Variants in KCND2 observed in about 807,000 individuals in gnomAD.
KCND2 encodes the protein A-type voltage-gated potassium channel KCND2.
KCND2 carries 16 observed loss-of-function variants against 54.4 expected under a neutral mutation model. The observed-to-expected ratio is 0.29, with a 90% confidence interval of 0.20 to 0.45. The LOEUF (loss-of-function observed/expected upper bound fraction) is 0.45. KCND2 is among the 20% of genes least tolerant of loss of function. The probability of loss-of-function intolerance (pLI) is 1.00; values close to 1 mark genes in which losing one functional copy is unlikely to be tolerated. For missense variants in KCND2, 486 were observed against 824.2 expected, an observed-to-expected ratio of 0.59 and a Z score of 5.02; for synonymous variants, 317 against 310.7, an observed-to-expected ratio of 1.02 and a Z score of -0.21.
intron 1 of KCND2, among the ~76,000 whole-genome samples, chr7:120,335,169 A>G (rs1363592043): frequency 1.3e-5 from 2 of 151,964 alleles, no homozygotes; most frequent in Admixed American, 1.3e-4. Flanking sequence ...GTTTGAGACC[A>G]GACTGCAACA....
Position 120,561,834 on chromosome 7 carries a change from A to G in KCND2, c.1116-171069A>G, listed in dbSNP as rs7791550. On this transcript the variant is annotated intron_variant, in intron 1 of 5. Transcript: ENST00000331113. ...ACCATGTTAGTCAGGCTGGCCGCGA[A>G]CTCCTTACCTCAGGTGATCCACCTG... is the stretch of plus-strand genomic sequence containing the variant. 4.9e-3 allele frequency among the ~76,000 whole-genome samples: 746 copies of G among 151,878 alleles called. 5 individuals carry two copies. The highest frequency in any genetic ancestry group is 9.1e-3 in the Non-Finnish European group (616 of 67,920).
intron 1 of KCND2, among the ~76,000 whole-genome samples, chr7:120,453,862 G>A (rs774432505): frequency 2.4e-4 from 36 of 152,246 alleles, no homozygotes; most frequent in Non-Finnish European, 2.8e-4. Flanking sequence ...CAAGGTGGGC[G>A]GATCATGAGG....
intron 1 of KCND2, among the ~76,000 whole-genome samples, chr7:120,451,809 A>G (rs1028507652): frequency 6.6e-6 from 1 of 152,174 alleles, no homozygotes; most frequent in African/African-American, 2.4e-5. Context: ...TCAACTCTTG[A>G]TGTGCTATGC....
chr7:120,298,956 G>A (rs1390008411), intron 1 of KCND2, among the ~76,000 whole-genome samples: 1 of 152,066 alleles, frequency 6.6e-6, no homozygotes, highest in African/African-American at 2.4e-5. Context: ...TCAGGAGTTC[G>A]AGACCAGCCT....
At chr7:120,525,074 C>T (rs1379106209) in intron 1 of KCND2, among the ~76,000 whole-genome samples, 1 of 152,052 alleles carries the variant, frequency 6.6e-6, no homozygotes, top group African/African-American at 2.4e-5. Context: ...GCCTAAATAA[C>T]TTCTGCCTCA....
chr7:120,680,240 G>A (rs1477403709), intron 1 of KCND2, among the ~76,000 whole-genome samples: 1 of 152,024 alleles, frequency 6.6e-6, no homozygotes, highest in African/African-American at 2.4e-5. Flanking sequence ...TCTCTGGCTG[G>A]GAAGACAAGA....
chr7:120,729,694 T>C (rs1345576215), intron 1 of KCND2, among the ~76,000 whole-genome samples: 1 of 152,234 alleles, frequency 6.6e-6, no homozygotes, highest in African/African-American at 2.4e-5. Context: ...ATGAACACTT[T>C]GTGCCCCCTT....
At chr7:120,650,514 G>A (rs1791716635) in intron 1 of KCND2, among the ~76,000 whole-genome samples, 1 of 142,834 alleles carries the variant, frequency 7.0e-6, no homozygotes, top group Non-Finnish European at 1.5e-5. Context: ...TTAGCCATTC[G>A]TCTAATCTTT....
chr7:120,639,414 C>A (rs1196410778), intron 1 of KCND2, among the ~76,000 whole-genome samples: 1 of 152,110 alleles, frequency 6.6e-6, no homozygotes, highest in Non-Finnish European at 1.5e-5. Context: ...CTCCAAAAGA[C>A]ATGAGGTTCA....
intron 1 of KCND2, among the ~76,000 whole-genome samples, chr7:120,416,931 T>C (rs1260474750): frequency 6.6e-6 from 1 of 152,196 alleles, no homozygotes; most frequent in East Asian, 1.9e-4. Context: ...CTGCAACCTC[T>C]GCCTCCAGGG....
intron 1 of KCND2, among the ~76,000 whole-genome samples, chr7:120,485,001 C>T (rs1802673367): frequency 6.6e-6 from 1 of 152,058 alleles, no homozygotes; most frequent in African/African-American, 2.4e-5. Flanking sequence ...ATCCTCCTGC[C>T]TCAGCCTCTT....
intron 2 of KCND2, chr7:120,740,957 G>T (rs1308799488): frequency 2.2e-6 from 1 of 449,960 alleles, no homozygotes; most frequent in East Asian, 7.1e-5. Flanking sequence ...CATGTTGTTT[G>T]GCATGGGATC....
intron 3 of KCND2, 58 bp downstream of exon 3, chr7:120,741,687 A>C: frequency 8.7e-7 from 1 of 1,153,916 alleles, no homozygotes; most frequent in Non-Finnish European, 1.3e-6. Flanking sequence ...ATATTGATTT[A>C]GTTCTACTTT....
intron 1 of KCND2, among the ~76,000 whole-genome samples, chr7:120,713,673 A>G (rs1426622150): frequency 6.6e-6 from 1 of 152,156 alleles, no homozygotes; most frequent in Non-Finnish European, 1.5e-5. Flanking sequence ...CGCCACTCAA[A>G]TGATCCTGTT....
chr7:120,286,231 AAT>A lies in KCND2; in HGVS notation c.1115+10487_1115+10488del, dbSNP rs1192200245. Among the ~76,000 whole-genome samples, 8 of 152,102 alleles carry A rather than the reference AAT, an allele frequency of 5.3e-5. No homozygotes were observed. In the South Asian group the frequency reaches 1.7e-3, roughly 31 times the overall value. ...GTACATACTGTTTTAATATTACTAA[AAT>A]ATGTGTGAATGTGTAATGTGTACTC... On this transcript the variant is annotated intron_variant, in intron 1 of 5. Transcript: ENST00000331113.
intron 1 of KCND2, among the ~76,000 whole-genome samples, chr7:120,410,246 T>C (rs1563037278): frequency 6.6e-6 from 1 of 151,992 alleles, no homozygotes; most frequent in South Asian, 2.1e-4. Context: ...CATCAGTCTA[T>C]ATGCCTGTCT....
At chr7:120,611,035 C>T (rs1792947896) in intron 1 of KCND2, among the ~76,000 whole-genome samples, 1 of 152,098 alleles carries the variant, frequency 6.6e-6, no homozygotes, top group Non-Finnish European at 1.5e-5. Context: ...CAAGTTTTAC[C>T]TTGATTGTTA....
chr7:120,407,071 T>A (rs796442813), intron 1 of KCND2, among the ~76,000 whole-genome samples: 16 of 151,794 alleles, frequency 1.1e-4, no homozygotes, highest in African/African-American at 2.7e-4. Flanking sequence ...AAAAAAAAAA[T>A]TTCCTATAAT....
chr7:120,624,283 G>A (rs1425082294), intron 1 of KCND2, among the ~76,000 whole-genome samples: 1 of 152,072 alleles, frequency 6.6e-6, no homozygotes, highest in African/African-American at 2.4e-5. Context: ...TTTCCCTCTC[G>A]AGATAAATTT....
Sources: gnomAD v4.1 joint callset for allele counts (sites outside exome capture counted in the v4.1 genomes callset) on GRCh38, gnomAD v4.1.1 for gene constraint, MANE v1.5 for transcripts, NCBI Gene and HGNC (gene_info 2026-07-23, HGNC 2026-07-21) for gene names.